Variants in INF2 observed in about 807,000 individuals in gnomAD.
INF2 encodes inverted formin-2.
INF2 carries 43 observed loss-of-function variants against 123.5 expected under a neutral mutation model. That is an observed-to-expected ratio of 0.35 (90% confidence interval 0.27 to 0.45). The LOEUF is 0.45. Among genes scored for constraint, INF2 ranks in the 20% least tolerant of loss-of-function variants. The pLI is 1.00. For synonymous variants in INF2, 851 were observed against 745.0 expected (o/e 1.14, Z -2.32); for missense variants, 1,453 against 1,682.7 (o/e 0.86, Z 2.39).
chr14:104,681,492 G>C, exon 1 of INF2: 1 of 1,115,398 alleles, frequency 9.0e-7, no homozygotes, highest in Non-Finnish European at 1.2e-6. Context: ...CCTAGTTACC[G>C]GCACACGGGC....
chr14:104,711,751 C>G (rs1220840191), intron 16 of INF2, 52 bp downstream of exon 16: 1 of 1,562,076 alleles, frequency 6.4e-7, no homozygotes, highest in South Asian at 1.1e-5. Flanking sequence ...GGCCTGACTT[C>G]TGTCCCCAGG....
chr14:104,715,687 G>A, intron 22 of INF2: 1 of 542,278 alleles, frequency 1.8e-6, no homozygotes, highest in Admixed American at 2.3e-5. Flanking sequence ...TGGCTGGCAG[G>A]ACAGGCTGAG....
intron 4 of INF2, among the ~76,000 whole-genome samples, chr14:104,703,705 C>G (rs1889643295): frequency 6.6e-6 from 1 of 152,228 alleles, no homozygotes; most frequent in African/African-American, 2.4e-5. Flanking sequence ...GACAGGGGGC[C>G]TGAGACCTCG....
chr14:104,700,870 G>A, intron 1 of INF2: 1 of 985,322 alleles, frequency 1.0e-6, no homozygotes, highest in Non-Finnish European at 1.2e-6. Flanking sequence ...CTGAGGTTTG[G>A]AATCTCCCTG....
intron 1 of INF2, among the ~76,000 whole-genome samples, chr14:104,692,046 G>C (rs1293987441): frequency 6.6e-6 from 1 of 152,234 alleles, no homozygotes; most frequent in Non-Finnish European, 1.5e-5. Flanking sequence ...CACAGGGGTT[G>C]CTTAGGGTCG....
At chr14:104,695,920 C>T (rs4393510) in intron 1 of INF2, among the ~76,000 whole-genome samples, 97,014 of 152,044 alleles carry the variant, frequency 0.64, 31,357 homozygotes, top group African/African-American at 0.73. Flanking sequence ...GGGCTACCAC[C>T]GCTCTGAGCC....
At chr14:104,703,604 A>T in intron 4 of INF2, 150 bp downstream of exon 4, 1 of 1,112,386 alleles carries the variant, frequency 9.0e-7, no homozygotes, top group Non-Finnish European at 1.3e-6. Context: ...GCCTGCCACC[A>T]CCTGCCCCTT....
chr14:104,681,638 C>A, intron 1 of INF2: 1 of 1,271,592 alleles, frequency 7.9e-7, no homozygotes, highest in East Asian at 5.6e-5. Flanking sequence ...GCAGAGCAGA[C>A]ACGGGGGCGG....
chr14:104,712,528 A>G lies in INF2; in HGVS notation c.2585A>G (p.Gln862Arg), dbSNP rs1471229828. The G allele has an allele frequency of 6.2e-6, 10 of 1,612,588 alleles. No individual in the cohort carries two copies. The highest frequency in any genetic ancestry group is 8.5e-6 in the Non-Finnish European group (10 of 1,179,836). ...GTGTCTGCCTCCGTGGCCGAGGTCC[A>G]GGAGCAGTACACCGAGCGCCTCCAG... ...RKVSASVAEV[Q>R]EQYTERLQAS... The change falls in exon 17 of 23, where the codon CAG (glutamine) becomes CGG (arginine). Residue 862 changes from glutamine (Q) to arginine (R), a missense_variant. This residue lies in a region of INF2 where 212 missense variants were observed against 266.2 expected (regional missense o/e 0.80). Transcript: ENST00000392634.
At chr14:104,698,169 G>A (rs981357777) in intron 1 of INF2, among the ~76,000 whole-genome samples, 1 of 152,272 alleles carries the variant, frequency 6.6e-6, no homozygotes, top group East Asian at 1.9e-4. Context: ...GAGCAGAGGG[G>A]AAGGGTAGCC....
chr14:104,715,038 C>T (rs1328787067), intron 21 of INF2, among the ~76,000 whole-genome samples, 182 bp downstream of exon 21: 1 of 152,214 alleles, frequency 6.6e-6, no homozygotes, highest in African/African-American at 2.4e-5. Context: ...GCTGCCGCGG[C>T]CCGTGCAACT....
At chr14:104,685,708 T>G (rs886357737), upstream of INF2, among the ~76,000 whole-genome samples, 14 of 139,116 alleles carry the variant, frequency 1.0e-4, no homozygotes, top group South Asian at 3.3e-3. Flanking sequence ...GATGTGTTGG[T>G]GGATAGGTGG....
chr14:104,699,411 T>C lies in INF2; in HGVS notation c.-9-1946T>C. ...AGAGGCCCGGCTGCCTGGCTCTTCA[T>C]GGTGGTGGGAGCAACCCTACTGCCA... On this transcript the variant is annotated intron_variant, in intron 1 of 22. Coordinates refer to ENST00000392634, the MANE Select transcript of INF2 (RefSeq NM_022489.4). This position sits in a 1 kb window ranked among gnomAD's most constrained non-coding sequence, Gnocchi z 4.7. 2.0e-6 allele frequency: 2 copies of C among 985,226 alleles called. No homozygotes were observed. Among genetic ancestry groups the C allele is most frequent in the Non-Finnish European group, 2.4e-6 (2 of 829,894 alleles). 61.0% of individuals were successfully genotyped at this position (985,226 alleles called of 1,614,324 possible).
intron 1 of INF2, among the ~76,000 whole-genome samples, chr14:104,697,630 C>T (rs1889251217): frequency 6.6e-6 from 1 of 152,246 alleles, no homozygotes; most frequent in African/African-American, 2.4e-5. Flanking sequence ...TGTAGGCATT[C>T]GGATGGAGGT....
chr14:104,705,511 G>A (rs1889741100), intron 5 of INF2, among the ~76,000 whole-genome samples: 1 of 152,142 alleles, frequency 6.6e-6, no homozygotes, highest in African/African-American at 2.4e-5. Context: ...CCTGCCTGCG[G>A]AGGGCTGTGC....
chr14:104,709,464 G>A, intron 11 of INF2, 81 bp downstream of exon 11: 1 of 1,336,406 alleles, frequency 7.5e-7, no homozygotes, highest in Non-Finnish European at 1.1e-6. Flanking sequence ...TCCCAGCAGG[G>A]AGACAGAGAA....
chr14:104,710,181 C>A lies in INF2; in HGVS notation c.2232C>A (p.Ala744=). Residue 744 remains alanine, a synonymous_variant, in exon 13 of 23, where the codon GCC becomes GCA. Coordinates refer to ENST00000392634, the MANE Select transcript of INF2 (RefSeq NM_022489.4). ...VRPKAQLVLA[A]CESLLTSRQL... ...CCAAGGCCCAGCTGGTGCTGGCTGC[C>A]TGCGAAAGTGAGTGGGGCCAAGCGG... The A allele has an allele frequency of 6.5e-7, 1 of 1,547,714 alleles. No homozygotes were observed.
At chr14:104,710,636 C>G (rs949144493) in intron 13 of INF2, 5 of 537,262 alleles carry the variant, frequency 9.3e-6, no homozygotes, top group Non-Finnish European at 1.3e-5. Flanking sequence ...TGCACACACA[C>G]GGGCACCATC....
intron 4 of INF2, among the ~76,000 whole-genome samples, 163 bp downstream of exon 4, chr14:104,703,617 A>G (rs925664192): frequency 3.9e-5 from 6 of 152,128 alleles, no homozygotes; most frequent in African/African-American, 1.2e-4. Context: ...TGCCCCTTCA[A>G]TGGACACAGG....
Sources: gnomAD v4.1 joint callset for allele counts (sites outside exome capture counted in the v4.1 genomes callset) on GRCh38, gnomAD v4.1.1 for gene constraint, gnomAD v4.1.1 regional missense constraint, Gnocchi (gnomAD v3.1) non-coding constraint, MANE v1.5 for transcripts, NCBI Gene and HGNC (gene_info 2026-07-23, HGNC 2026-07-21) for gene names.